The following CNIH3 variants were observed in gnomAD, a reference collection of about 807,000 sequenced individuals.
CNIH3 encodes cornichon family AMPA receptor auxiliary protein 3, also known as protein cornichon homolog 3.
CNIH3 carries 14 observed loss-of-function variants against 24.1 expected under a neutral mutation model. The observed-to-expected ratio is 0.58, with a 90% CI of 0.38 to 0.91. The LOEUF (loss-of-function observed/expected upper bound fraction) is 0.91, where lower values mean the gene tolerates loss of function less well. Among genes scored for constraint, CNIH3 ranks in the 40% least tolerant of loss-of-function variants. The pLI, the probability that CNIH3 is intolerant of heterozygous loss-of-function variation, is 0.00. For missense variants in CNIH3, 178 were observed against 196.8 expected (o/e 0.90, Z 0.57); for synonymous variants, 68 against 73.8 (o/e 0.92, Z 0.40).
At chr1:224,515,684 A>T (rs1678351712), upstream of CNIH3, 1 of 152,120 alleles carries the variant, frequency 6.6e-6, no homozygotes, top group Non-Finnish European at 1.5e-5. Context: ...CACTTTGGGG[A>T]TAGTTAAACA....
chr1:224,473,151 T>C (rs1676433611), intron 1 of CNIH3, among the ~76,000 whole-genome samples: 1 of 152,150 alleles, frequency 6.6e-6, no homozygotes, highest in Admixed American at 6.5e-5. Flanking sequence ...GCAAGCCTCA[T>C]GGTAACCTCA....
chr1:224,618,092 C>T (rs1188579895), intron 1 of CNIH3, among the ~76,000 whole-genome samples: 1 of 152,204 alleles, frequency 6.6e-6, no homozygotes, highest in African/African-American at 2.4e-5. Flanking sequence ...AATAGAGGAG[C>T]GCAAGCTTCT....
upstream of CNIH3, among the ~76,000 whole-genome samples, chr1:224,513,303 C>G (rs1045615607): frequency 7.2e-6 from 1 of 139,482 alleles, no homozygotes; most frequent in Non-Finnish European, 1.5e-5. Context: ...CACATACCAC[C>G]ACACCTGGTT....
chr1:224,469,190 C>T (rs1676270429), intron 1 of CNIH3, among the ~76,000 whole-genome samples: 1 of 152,102 alleles, frequency 6.6e-6, no homozygotes, highest in Non-Finnish European at 1.5e-5. Flanking sequence ...AAGTGATCCT[C>T]CCACCTCAGC....
chr1:224,737,398 TG>T (rs1402883981), intron 5 of CNIH3, among the ~76,000 whole-genome samples: 2 of 152,190 alleles, frequency 1.3e-5, no homozygotes, highest in African/African-American at 4.8e-5. Context: ...AAAACAAAAT[TG>T]GAAACAGTTC....
At chr1:224,559,782 C>G (rs1680287604) in intron 3 of CNIH3, among the ~76,000 whole-genome samples, 1 of 152,090 alleles carries the variant, frequency 6.6e-6, no homozygotes, top group Non-Finnish European at 1.5e-5. Context: ...AAAGCAAACA[C>G]TCAGGGCAAA....
chr1:224,540,659 G>GT (rs1451287067), downstream of CNIH3, among the ~76,000 whole-genome samples: 2 of 152,050 alleles, frequency 1.3e-5, no homozygotes, highest in East Asian at 1.9e-4. Flanking sequence ...TCCAGCTCAT[G>GT]TTTTTTTACC....
intron 5 of CNIH3, among the ~76,000 whole-genome samples, chr1:224,586,815 A>G (rs1681529709): frequency 6.6e-6 from 1 of 152,236 alleles, no homozygotes; most frequent in Non-Finnish European, 1.5e-5. Flanking sequence ...CCAGAGACAC[A>G]GAAAAGAAGG....
chr1:224,595,422 A>C (rs1221946681), intron 3 of CNIH3, among the ~76,000 whole-genome samples: 1 of 152,202 alleles, frequency 6.6e-6, no homozygotes, highest in Non-Finnish European at 1.5e-5. Context: ...GGCAAAGTTG[A>C]TCAATAAATG....
rs563653142 is a variant in CNIH3, at chr1:224,681,396, G to A, written c.150+370G>A. Among the ~76,000 whole-genome samples, 6 of 152,310 alleles carry A rather than the reference G, an allele frequency of 3.9e-5. No individual in the cohort carries two copies. The East Asian group carries it at 9.7e-4, about 25-fold the overall frequency. On this transcript the variant is annotated intron_variant, in intron 2 of 5. Transcript: ENST00000272133. The stretch of plus-strand genomic sequence containing the variant: ...AGCACCATGAGTGGATGTCCGTGCT[G>A]CACTCTCCACCTGGGCACCAAGTGG...
intron 1 of CNIH3, among the ~76,000 whole-genome samples, chr1:224,444,943 C>CTTT (rs77862419): frequency 1.5e-5 from 2 of 136,200 alleles, no homozygotes; most frequent in Admixed American, 7.4e-5. Context: ...ACGCCCGGCC[C>CTTT]TTTTTTTTTT....
chr1:224,444,846 T>C (rs1003642733), intron 1 of CNIH3, among the ~76,000 whole-genome samples: 3 of 151,464 alleles, frequency 2.0e-5, no homozygotes, highest in East Asian at 1.9e-4. Flanking sequence ...GGTTTCACCA[T>C]GTTGGTCAGG....
Position 224,604,829 on chromosome 1 carries a change from T to C in CNIH3, n.402+38565T>C, listed in dbSNP as rs1682349668. Among the ~76,000 whole-genome samples, 1 of 152,166 alleles carries C rather than the reference T, an allele frequency of 6.6e-6. No homozygotes were observed. Among genetic ancestry groups the C allele is most frequent in the Non-Finnish European group, 1.5e-5 (1 of 68,032 alleles). On this transcript the variant is annotated intron_variant and non_coding_transcript_variant, in intron 3 of 7. Coordinates refer to the CNIH3 transcript ENST00000478120. The surrounding 1 kb of genome is among the most constrained non-coding windows in gnomAD (Gnocchi z 4.4). ...TTTGGTGGTTCCTGAGCTCCTGTAC[T>C]GTGCCCAGGAAGAATGAGGATACAC...
intron 3 of CNIH3, among the ~76,000 whole-genome samples, chr1:224,601,830 G>C (rs866847579): frequency 5.9e-5 from 9 of 152,194 alleles, no homozygotes. Context: ...TGATTTATTG[G>C]ATTAACATCT....
At chr1:224,555,667 A>G (rs1297491155) in intron 3 of CNIH3, among the ~76,000 whole-genome samples, 2 of 152,270 alleles carry the variant, frequency 1.3e-5, no homozygotes, top group Non-Finnish European at 2.9e-5. Context: ...ACTTATGAAT[A>G]TTAATTTAAC....
intron 3 of CNIH3, among the ~76,000 whole-genome samples, chr1:224,607,687 A>G (rs1682491468): frequency 6.6e-6 from 1 of 152,192 alleles, no homozygotes; most frequent in Admixed American, 6.5e-5. Context: ...TTGCATTGTC[A>G]GGGTGAAATT....
intron 3 of CNIH3, among the ~76,000 whole-genome samples, chr1:224,598,742 A>AT (rs1436569692): frequency 6.6e-6 from 1 of 152,238 alleles, no homozygotes; most frequent in Non-Finnish European, 1.5e-5. Flanking sequence ...GACTGTTAGC[A>AT]TTTTTTAGCA....
chr1:224,635,515 C>A (rs1037969961), intron 1 of CNIH3, among the ~76,000 whole-genome samples: 2 of 152,156 alleles, frequency 1.3e-5, no homozygotes, highest in Non-Finnish European at 2.9e-5. Context: ...AGAAGTGAGT[C>A]CTGCTGAGCA....
At chr1:224,717,789 C>A (rs560397410) in intron 3 of CNIH3, 2 of 152,206 alleles carry the variant, frequency 1.3e-5, no homozygotes, top group African/African-American at 4.8e-5. Flanking sequence ...TGTAAGGGAC[C>A]AGCCAGCGCT....
Sources: allele counts gnomAD v4.1 joint callset (sites outside exome capture counted in the v4.1 genomes callset), GRCh38; gene constraint gnomAD v4.1.1; non-coding constraint Gnocchi (gnomAD v3.1); transcripts MANE v1.5; gene names NCBI Gene and HGNC (gene_info 2026-07-23, HGNC 2026-07-21).